Variants in GNG4 observed in about 807,000 individuals in gnomAD.
The protein encoded by GNG4 is guanine nucleotide-binding protein G(I)/G(S)/G(O) subunit gamma-4.
In GNG4, 4 loss-of-function variants were observed where a neutral mutation model predicts 5.8. That is an observed-to-expected ratio of 0.69 (90% CI 0.34 to 1.57). The LOEUF is 1.57. Among genes scored for constraint, GNG4 ranks in the 40% most tolerant of loss-of-function variants. The pLI is 0.06. For missense variants in GNG4, 96 were observed against 95.1 expected (o/e 1.01, Z -0.04); for synonymous variants, 29 against 32.9 (o/e 0.88, Z 0.41).
intron 1 of GNG4, among the ~76,000 whole-genome samples, chr1:235,626,766 C>CT (rs1688819138): frequency 6.6e-6 from 1 of 152,020 alleles, no homozygotes; most frequent in African/African-American, 2.4e-5. Flanking sequence ...AGGGACCAGC[C>CT]TGGCCAACAT....
intron 1 of GNG4, among the ~76,000 whole-genome samples, chr1:235,598,028 A>G (rs1407113864): frequency 6.6e-6 from 1 of 151,898 alleles, no homozygotes; most frequent in Admixed American, 6.6e-5. Context: ...GCTACCCAAG[A>G]CCCCACCCAG....
intron 1 of GNG4, among the ~76,000 whole-genome samples, chr1:235,600,099 G>GATTTTTTTTTTTTTTTTT (rs1558492553): frequency 5.8e-5 from 3 of 51,416 alleles, no homozygotes; most frequent in Non-Finnish European, 1.3e-4. Flanking sequence ...GCGGAAGAAA[G>GATTTTTTTTTTTTTTTTT]CTTTTTTTTT....
intron 1 of GNG4, among the ~76,000 whole-genome samples, chr1:235,627,593 T>C (rs756454473): frequency 6.6e-6 from 1 of 152,142 alleles, no homozygotes. Context: ...CACAGGGGGC[T>C]GTGAGGAAGT....
chr1:235,569,445 G>A (rs140671263), intron 3 of GNG4, among the ~76,000 whole-genome samples: 7,572 of 130,064 alleles, frequency 0.058, 243 homozygotes, highest in Middle Eastern at 0.089. Flanking sequence ...GTGACAGAGG[G>A]AGACCGTGTC....
chr1:235,644,579 C>T lies in GNG4; in HGVS notation c.-123+5083G>A, dbSNP rs1252587788. Among the ~76,000 whole-genome samples the T allele has an allele frequency of 6.6e-6, 1 of 152,240 alleles. No homozygotes were observed. Among genetic ancestry groups the T allele is most frequent in the East Asian group, 1.9e-4 (1 of 5,198 alleles). ...AGTACCCTGCCATGCAGCCCCACAG[C>T]TGCCGGGGGGATAAACAAGCACCTT... On this transcript the variant is annotated intron_variant, in intron 1 of 3. Transcript: ENST00000391854. This position sits in a 1 kb window ranked among gnomAD's most constrained non-coding sequence, Gnocchi z 5.9.
intron 2 of GNG4, among the ~76,000 whole-genome samples, chr1:235,591,404 G>A (rs1299290856): frequency 1.3e-5 from 2 of 152,236 alleles, no homozygotes; most frequent in South Asian, 2.1e-4. Context: ...TGGTGGGGGA[G>A]AAGGTAATGG....
At chr1:235,641,678 A>C (rs1166938231) in intron 1 of GNG4, among the ~76,000 whole-genome samples, 1 of 152,150 alleles carries the variant, frequency 6.6e-6, no homozygotes, top group Non-Finnish European at 1.5e-5. Context: ...GTGACAGAGC[A>C]AGACTCCACC....
intron 2 of GNG4, among the ~76,000 whole-genome samples, chr1:235,595,114 C>G (rs1382280965): frequency 6.6e-6 from 1 of 152,212 alleles, no homozygotes; most frequent in African/African-American, 2.4e-5. Flanking sequence ...CCCAGCAGCC[C>G]TCGGGGATGG....
At chr1:235,559,149 A>G (rs1266330046) in intron 3 of GNG4, among the ~76,000 whole-genome samples, 2 of 152,210 alleles carry the variant, frequency 1.3e-5, no homozygotes, top group Non-Finnish European at 2.9e-5. Flanking sequence ...TAACAGTACT[A>G]CTGGGAATCA....
chr1:235,571,710 A>C (rs942909109), intron 3 of GNG4, among the ~76,000 whole-genome samples: 2 of 152,202 alleles, frequency 1.3e-5, no homozygotes, highest in African/African-American at 4.8e-5. Flanking sequence ...TCATCACTGT[A>C]AGAACATCAC....
chr1:235,642,247 G>A lies in GNG4; in HGVS notation c.-123+7415C>T, dbSNP rs574344096. ...GGCCCCGCTCCCGTGCAGGTGTCGC[G>A]GGTAAGCTGCCGCGGTTACTGTGAA... On this transcript the variant is annotated intron_variant, in intron 1 of 3. Coordinates refer to ENST00000391854, the MANE Select transcript of GNG4 (RefSeq NM_001098722.2). This position sits in a 1 kb window ranked among gnomAD's most constrained non-coding sequence, Gnocchi z 4.3. Among the ~76,000 whole-genome samples, 1 of 152,372 alleles carries A rather than the reference G, an allele frequency of 6.6e-6. No homozygotes were observed. The highest frequency in any genetic ancestry group is 6.5e-5 in the Admixed American group (1 of 15,310).
intron 1 of GNG4, among the ~76,000 whole-genome samples, chr1:235,618,895 A>C (rs978707370): frequency 8.0e-5 from 12 of 150,760 alleles, no homozygotes; most frequent in African/African-American, 2.7e-4. Flanking sequence ...AGTCCAAGTG[A>C]TCCTCCCACC....
chr1:235,628,196 GACA>G lies in GNG4; in HGVS notation c.-123+21463_-123+21465del, dbSNP rs560989597. Among the ~76,000 whole-genome samples, 10 of 151,214 alleles carry G rather than the reference GACA, an allele frequency of 6.6e-5. No homozygotes were observed. The East Asian group carries it at 1.2e-3, about 18-fold the overall frequency. On this transcript the variant is annotated intron_variant, in intron 1 of 3. Transcript: ENST00000391854. ...ACTCTGTCTCAACAACAACAACAAA[GACA>G]ACAACAACAACAACAACAAAAAACC...
intron 1 of GNG4, among the ~76,000 whole-genome samples, chr1:235,631,142 G>A (rs1216184143): frequency 6.6e-6 from 1 of 152,016 alleles, no homozygotes; most frequent in Non-Finnish European, 1.5e-5. Flanking sequence ...CAGGTGATCC[G>A]CCCTCCTCGG....
chr1:235,577,336 C>G (rs1485620921), intron 3 of GNG4, among the ~76,000 whole-genome samples: 5 of 152,228 alleles, frequency 3.3e-5, no homozygotes, highest in African/African-American at 1.2e-4. Context: ...GGTTCCCATG[C>G]AGCCTGCCCT....
chr1:235,549,474 G>A lies in GNG4; in HGVS notation c.*2635C>T, dbSNP rs1231835129. On this transcript the variant is annotated 3_prime_UTR_variant, in exon 4 of 4. Coordinates refer to ENST00000391854, the MANE Select transcript of GNG4 (RefSeq NM_001098722.2). The stretch of plus-strand genomic sequence containing the variant: ...GACCTGATTTTGATGCTCTCTGTAC[G>A]GCCCCGCTTTCTCGGCTTCTCTGAT... The A allele has an allele frequency of 3.3e-5, 5 of 152,230 alleles. No individual in the cohort carries two copies. The highest frequency in any genetic ancestry group is 9.7e-5 in the African/African-American group (4 of 41,436). 9.4% of individuals were successfully genotyped at this position (152,230 alleles called of 1,614,324 possible). A position where few individuals can be genotyped will look rare whatever the true frequency, so the allele number is the denominator to read the frequency against.
chr1:235,571,710 A>G (rs942909109), intron 3 of GNG4, among the ~76,000 whole-genome samples: 3 of 152,202 alleles, frequency 2.0e-5, no homozygotes, highest in African/African-American at 7.2e-5. Flanking sequence ...TCATCACTGT[A>G]AGAACATCAC....
At chr1:235,588,777 C>G (rs570533638) in intron 2 of GNG4, 3 of 152,440 alleles carry the variant, frequency 2.0e-5, no homozygotes, top group Admixed American at 2.0e-4. Context: ...GGACCTCAGC[C>G]CCTCTGTCTA....
intron 1 of GNG4, among the ~76,000 whole-genome samples, chr1:235,626,106 G>A (rs998355640): frequency 2.0e-5 from 3 of 152,102 alleles, no homozygotes; most frequent in Non-Finnish European, 4.4e-5. Context: ...GTATTCTCAG[G>A]GTTGTGGATT....
Sources: gnomAD v4.1 joint callset for allele counts (sites outside exome capture counted in the v4.1 genomes callset) on GRCh38, gnomAD v4.1.1 for gene constraint, Gnocchi (gnomAD v3.1) non-coding constraint, MANE v1.5 for transcripts, NCBI Gene and HGNC (gene_info 2026-07-23, HGNC 2026-07-21) for gene names.